Variants in CLPB observed in about 807,000 individuals in gnomAD.
CLPB encodes ClpB family mitochondrial disaggregase.
In CLPB, 40 loss-of-function variants were observed where a neutral mutation model predicts 78.4. The observed-to-expected ratio is 0.51, with a 90% CI of 0.40 to 0.66. CLPB has a LOEUF of 0.66. CLPB is among the 30% of genes least tolerant of loss of function. The pLI is 0.00. For missense variants in CLPB, 780 were observed against 886.9 expected, an observed-to-expected ratio of 0.88 and a Z score of 1.53; for synonymous variants, 333 against 348.0, an observed-to-expected ratio of 0.96 and a Z score of 0.48.
intron 3 of CLPB, among the ~76,000 whole-genome samples, chr11:72,400,916 C>T (rs1185706637): frequency 1.3e-5 from 2 of 152,132 alleles, no homozygotes; most frequent in African/African-American, 4.8e-5. Context: ...GTCTCCTTAC[C>T]TGCATTTGTT....
intron 4 of CLPB, among the ~76,000 whole-genome samples, chr11:72,359,480 G>C (rs1176539481): frequency 2.0e-5 from 3 of 152,178 alleles, no homozygotes; most frequent in African/African-American, 7.2e-5. Flanking sequence ...GTAGGATAAG[G>C]AAAGAGTGGG....
chr11:72,366,211 T>C (rs2135637562), intron 4 of CLPB, among the ~76,000 whole-genome samples: 1 of 149,214 alleles, frequency 6.7e-6, no homozygotes, highest in South Asian at 2.1e-4. Flanking sequence ...TGTGGGTCTT[T>C]TGTCTTGTTT....
intron 6 of CLPB, among the ~76,000 whole-genome samples, chr11:72,320,656 C>A (rs1348213032): frequency 6.6e-6 from 1 of 152,178 alleles, no homozygotes; most frequent in Non-Finnish European, 1.5e-5. Context: ...TTTCACAATG[C>A]TTAGCACAGA....
chr11:72,343,042 C>G, intron 5 of CLPB, among the ~76,000 whole-genome samples: 1 of 152,202 alleles, frequency 6.6e-6, no homozygotes, highest in Non-Finnish European at 1.5e-5. Flanking sequence ...TTGACCAATC[C>G]TAGCCTAATG....
intron 3 of CLPB, among the ~76,000 whole-genome samples, chr11:72,389,476 G>A (rs905650093): frequency 1.3e-5 from 2 of 152,192 alleles, no homozygotes; most frequent in African/African-American, 2.4e-5. Flanking sequence ...GGTACCACAT[G>A]GGCTGTGGTA....
chr11:72,422,075 G>A (rs1404030396), intron 2 of CLPB, among the ~76,000 whole-genome samples: 2 of 151,840 alleles, frequency 1.3e-5, no homozygotes, highest in East Asian at 3.9e-4. Flanking sequence ...AGACCATCTT[G>A]GCTAACATGG....
chr11:72,358,557 A>G (rs1950766364), intron 5 of CLPB, among the ~76,000 whole-genome samples: 1 of 152,146 alleles, frequency 6.6e-6, no homozygotes, highest in East Asian at 1.9e-4. Context: ...AGGGATAGCA[A>G]GAGTCCAGAA....
chr11:72,434,384 C>T lies in CLPB; in HGVS notation c.91G>A (p.Gly31Ser). 1.2e-6 allele frequency: 2 copies of T among 1,611,346 alleles called. No homozygotes were observed. Among genetic ancestry groups the T allele is most frequent in the Non-Finnish European group, 1.7e-6 (2 of 1,178,406 alleles). ...GTAGTCACATTCCGGCCGGAAGCAC[C>T]TCCATGGCCCCGGAGCGTTGGGGAC... ...LRSPTLRGHGGASGRNVTTGS... is the reference protein window; with the variant it reads ...LRSPTLRGHGSASGRNVTTGS... The change falls in exon 1 of 16, where the codon GGT becomes AGT. Residue 31 changes from glycine (G) to serine (S), a missense_variant. Physicochemically the swap from Gly to Ser is moderately conservative, Grantham distance 56. Around this residue, in one of 3 missense-constraint regions of CLPB, gnomAD observed 417 missense variants for 414.7 expected, o/e 1.01. Coordinates refer to ENST00000538039, the MANE Select transcript of CLPB (RefSeq NM_001258392.3).
chr11:72,294,017 C>A lies in CLPB; in HGVS notation c.1785+5G>T. The A allele has an allele frequency of 6.2e-7, 1 of 1,612,860 alleles. No homozygotes were observed. The highest frequency in any genetic ancestry group is 8.5e-7 in the Non-Finnish European group (1 of 1,179,288). On this transcript the variant is annotated splice_donor_5th_base_variant and intron_variant, in intron 15 of 15. Coordinates refer to ENST00000538039, the MANE Select transcript of CLPB (RefSeq NM_001258392.3). ...GCGCCTCATTTCTCAGGCTCCTGTG[C>A]TCACCTCATGTTTGATGGAGCGGGC...
intron 3 of CLPB, among the ~76,000 whole-genome samples, chr11:72,399,729 G>A: frequency 6.6e-6 from 1 of 152,202 alleles, no homozygotes; most frequent in Non-Finnish European, 1.5e-5. Context: ...GGTGAAGGAG[G>A]TGAAGGTTCT....
intron 6 of CLPB, among the ~76,000 whole-genome samples, chr11:72,319,056 T>C (rs1590788876): frequency 1.3e-5 from 2 of 152,094 alleles, no homozygotes; most frequent in Non-Finnish European, 2.9e-5. Context: ...GTTTGTTGGG[T>C]CAGTTTCCTC....
In CLPB at chr11:72,358,816, AC is replaced by A. The variant is rs1422201902; in HGVS notation, c.775+63del. 3.2e-3 allele frequency: 58 copies of A among 18,060 alleles called. 2 individuals carry two copies. The highest frequency in any genetic ancestry group is 0.011 in the African/African-American group (44 of 3,954). The allele number at this position is 18,060 out of a possible 1,614,324, so 1.1% of individuals were successfully genotyped here. A position where few individuals can be genotyped will look rare whatever the true frequency, so the allele number is the denominator to read the frequency against. ...CCAAGCCCCATCCCACCCCTCCTCC[AC>A]CCCCCCCACCCCACCCCTCTTCCAC... On this transcript the variant is annotated intron_variant, in intron 5 of 15. Coordinates refer to ENST00000538039, the MANE Select transcript of CLPB (RefSeq NM_001258392.3).
intron 3 of CLPB, among the ~76,000 whole-genome samples, chr11:72,389,949 ATGG>A (rs1391754216): frequency 6.6e-6 from 1 of 152,144 alleles, no homozygotes; most frequent in African/African-American, 2.4e-5. Context: ...TTGGCCTCTC[ATGG>A]TAGTACAACC....
In CLPB at chr11:72,307,269, G is replaced by A; in HGVS notation, c.1067-15C>T. ...CTCTGTTTTTCCTAGTAAGAAAGAA[G>A]GGGGAGGTGTTGGGTTAGAACCAGG... On this transcript the variant is annotated splice_polypyrimidine_tract_variant and intron_variant, in intron 8 of 15. Coordinates refer to ENST00000538039, the MANE Select transcript of CLPB (RefSeq NM_001258392.3). 2 of 1,613,360 alleles carry A rather than the reference G, an allele frequency of 1.2e-6. No individual in the cohort carries two copies. Among genetic ancestry groups the A allele is most frequent in the Non-Finnish European group, 1.7e-6 (2 of 1,179,428 alleles).
chr11:72,320,726 T>TA (rs1819612246), intron 6 of CLPB, among the ~76,000 whole-genome samples: 1 of 152,126 alleles, frequency 6.6e-6, no homozygotes, highest in South Asian at 2.1e-4. Flanking sequence ...TATATATATA[T>TA]TTTTTGAGAC....
chr11:72,346,587 TAA>T (rs574175469), intron 5 of CLPB, among the ~76,000 whole-genome samples: 1 of 143,254 alleles, frequency 7.0e-6, no homozygotes. Context: ...TGCTATATGT[TAA>T]AAAAAAAAAA....
At chr11:72,388,771 C>A (rs550502631) in intron 3 of CLPB, among the ~76,000 whole-genome samples, 31 of 152,270 alleles carry the variant, frequency 2.0e-4, no homozygotes, top group Non-Finnish European at 3.1e-4. Context: ...CCAGATCGGG[C>A]TAGAGGGCTA....
intron 2 of CLPB, among the ~76,000 whole-genome samples, chr11:72,424,700 C>T (rs917078866): frequency 2.0e-5 from 3 of 152,140 alleles, no homozygotes; most frequent in Non-Finnish European, 4.4e-5. Context: ...TCCTGGCTAA[C>T]ATGGTGAAAC....
chr11:72,354,602 C>T, intron 5 of CLPB: 1 of 345,306 alleles, frequency 2.9e-6, no homozygotes, highest in Non-Finnish European at 5.2e-6. Flanking sequence ...CCCCACCTTC[C>T]TCCCTCCCTC....
Sources: gnomAD v4.1 joint callset for allele counts (sites outside exome capture counted in the v4.1 genomes callset) on GRCh38, gnomAD v4.1.1 for gene constraint, gnomAD v4.1.1 regional missense constraint, MANE v1.5 for transcripts, NCBI Gene and HGNC (gene_info 2026-07-23, HGNC 2026-07-21) for gene names.